The following ZSWIM6 variants were observed in gnomAD, a reference collection of about 807,000 sequenced individuals.
The protein encoded by ZSWIM6 is zinc finger SWIM-type containing 6, also known as zinc finger SWIM domain-containing protein 6.
Under a neutral mutation model 113.2 loss-of-function variants are expected in ZSWIM6, and 9 were observed. The ratio of observed to expected loss-of-function variants is 0.08; its 90% CI spans 0.05 to 0.14. ZSWIM6 has a LOEUF of 0.14. Among genes scored for constraint, ZSWIM6 ranks in the 10% least tolerant of loss-of-function variants. ZSWIM6 has a pLI of 1.00. For synonymous variants in ZSWIM6, 611 were observed against 606.5 expected (o/e 1.01, Z -0.11); for missense variants, 1,162 against 1,552.2 (o/e 0.75, Z 4.22).
Position 61,382,910 on chromosome 5 carries a change from A to G in ZSWIM6, c.676+49962A>G, listed in dbSNP as rs1452037424. 3.9e-5 allele frequency among the ~76,000 whole-genome samples: 6 copies of G among 152,240 alleles called. No individual in the cohort carries two copies. In the East Asian group the frequency reaches 1.2e-3, roughly 29 times the overall value. ...TAGGGAGCTAATTTATAGCAGATTA[A>G]GATACAGAATGTCCGCAAAGTCAGA... On this transcript the variant is annotated intron_variant, in intron 1 of 13. Coordinates refer to ENST00000252744, the MANE Select transcript of ZSWIM6 (RefSeq NM_020928.2).
chr5:61,441,765 C>T (rs1746839140), intron 1 of ZSWIM6, among the ~76,000 whole-genome samples: 1 of 152,086 alleles, frequency 6.6e-6, no homozygotes, highest in South Asian at 2.1e-4. Context: ...ACATTTACTG[C>T]AATTATGGTT....
At chr5:61,484,271 G>T (rs1747956505) in intron 2 of ZSWIM6, among the ~76,000 whole-genome samples, 1 of 152,166 alleles carries the variant, frequency 6.6e-6, no homozygotes, top group Non-Finnish European at 1.5e-5. Flanking sequence ...TCTCCTTGTG[G>T]ATTTTGGCCT....
chr5:61,401,110 G>A (rs564529765), intron 1 of ZSWIM6, among the ~76,000 whole-genome samples: 3 of 152,026 alleles, frequency 2.0e-5, no homozygotes, highest in Non-Finnish European at 2.9e-5. Flanking sequence ...TTATGTTCTC[G>A]TTAGCTTTTG....
At chr5:61,380,977 G>A (rs6868235) in intron 1 of ZSWIM6, among the ~76,000 whole-genome samples, 9,915 of 152,024 alleles carry the variant, frequency 0.065, 967 homozygotes, top group African/African-American at 0.21. Flanking sequence ...GGCCAGGTGT[G>A]GTGGCTCACG....
chr5:61,535,476 TC>T lies in ZSWIM6; in HGVS notation c.2246-5del, dbSNP rs1749549952. On this transcript the variant is annotated splice_polypyrimidine_tract_variant and splice_region_variant and intron_variant, in intron 9 of 13. Coordinates refer to ENST00000252744, the MANE Select transcript of ZSWIM6 (RefSeq NM_020928.2). ...GGAACGTAAAATGTGTATGCTCTCT[TC>T]CCACAGCCGGACCATATAGTGGTTT... The T allele has an allele frequency of 6.4e-7, 1 of 1,551,170 alleles. No homozygotes were observed. Among genetic ancestry groups the T allele is most frequent in the Non-Finnish European group, 8.7e-7 (1 of 1,146,574 alleles).
At chr5:61,428,672 C>T (rs1291994326) in intron 1 of ZSWIM6, among the ~76,000 whole-genome samples, 1 of 151,992 alleles carries the variant, frequency 6.6e-6, no homozygotes, top group Non-Finnish European at 1.5e-5. Context: ...TACTCAGTCT[C>T]TTAGGCTATT....
chr5:61,504,125 T>A (rs1748540780), intron 4 of ZSWIM6, among the ~76,000 whole-genome samples: 1 of 152,206 alleles, frequency 6.6e-6, no homozygotes, highest in Admixed American at 6.5e-5. Context: ...TTATTTTTGA[T>A]GTACTGAAAA....
At position 61,375,587 on chromosome 5, in the gene ZSWIM6, A is replaced by C. The variant is rs547901845; in HGVS notation, c.676+42639A>C. The C allele has an allele frequency of 7.3e-4, 1,125 of 1,533,850 alleles. 1 individual carries two copies. Among genetic ancestry groups the C allele is most frequent in the Admixed American group, 1.3e-3 (65 of 50,566 alleles). On this transcript the variant is annotated intron_variant, in intron 1 of 13. Transcript: ENST00000252744. Reference sequence around the variant, plus strand: ...GAATCAGACAGTAAGGATAGTTTAAAAAAGAAAAAGAAGTCAAAAGATGGA... The same window carrying C: ...GAATCAGACAGTAAGGATAGTTTAACAAAGAAAAAGAAGTCAAAAGATGGA...
chr5:61,357,087 A>G (rs1744930468), intron 1 of ZSWIM6, among the ~76,000 whole-genome samples: 2 of 152,112 alleles, frequency 1.3e-5, no homozygotes, highest in South Asian at 4.1e-4. Flanking sequence ...AGACATACTG[A>G]CTGGGAAACT....
chr5:61,369,169 A>G (rs950684451), intron 1 of ZSWIM6, among the ~76,000 whole-genome samples: 36 of 152,188 alleles, frequency 2.4e-4, no homozygotes, highest in East Asian at 7.7e-4. Flanking sequence ...TCTTCCTACT[A>G]TATTGTTCTA....
chr5:61,508,384 G>A (rs932966985), intron 4 of ZSWIM6, among the ~76,000 whole-genome samples: 1 of 152,106 alleles, frequency 6.6e-6, no homozygotes, highest in Non-Finnish European at 1.5e-5. Flanking sequence ...ATTAAATATT[G>A]CAAGGTATAT....
chr5:61,389,616 A>G (rs1368984005), intron 1 of ZSWIM6, among the ~76,000 whole-genome samples: 1 of 152,058 alleles, frequency 6.6e-6, no homozygotes. Context: ...GAAAGCGAGA[A>G]AGTCTTCAGT....
chr5:61,531,513 A>G lies in ZSWIM6; in HGVS notation c.2033A>G (p.His678Arg), dbSNP rs750996103. 1.3e-5 allele frequency: 20 copies of G among 1,551,716 alleles called. No individual in the cohort carries two copies. The East Asian group carries it at 3.4e-4, about 27-fold the overall frequency. The change falls in exon 9 of 14, where the codon CAC (histidine) becomes CGC (arginine). Residue 678 changes from histidine to arginine, a missense_variant. Around this residue, in one of 4 missense-constraint regions of ZSWIM6, gnomAD observed 620 missense variants for 804.6 expected, o/e 0.77. Coordinates refer to ENST00000252744, the MANE Select transcript of ZSWIM6 (RefSeq NM_020928.2). ...KSLEYQHLPAHKFLEEGESYL... is the reference protein window; with the variant it reads ...KSLEYQHLPARKFLEEGESYL... ...CTGGAATACCAGCATCTACCTGCACACAAATTCTTAGAAGAAGGGGAATCC... is the reference window on the plus strand; with the variant it reads ...CTGGAATACCAGCATCTACCTGCACGCAAATTCTTAGAAGAAGGGGAATCC...
In ZSWIM6 at chr5:61,529,461, C is replaced by G. The variant is rs887027796; in HGVS notation, c.1838-591C>G. 3.3e-5 allele frequency among the ~76,000 whole-genome samples: 5 copies of G among 152,280 alleles called. No homozygotes were observed. In the South Asian group the frequency reaches 1.0e-3, roughly 32 times the overall value. On this transcript the variant is annotated intron_variant, in intron 7 of 13. Coordinates refer to ENST00000252744, the MANE Select transcript of ZSWIM6 (RefSeq NM_020928.2). ...CTCTTAAATGGCTTACAGATTCACA[C>G]TAAGGAAGATTTTCATAAGGTGATG...
intron 1 of ZSWIM6, among the ~76,000 whole-genome samples, chr5:61,340,343 A>G (rs1744516153): frequency 3.9e-5 from 6 of 152,182 alleles, no homozygotes; most frequent in Admixed American, 3.9e-4. Flanking sequence ...GTGTGTATAT[A>G]TGTCTACAAA....
intron 4 of ZSWIM6, among the ~76,000 whole-genome samples, chr5:61,505,967 C>T (rs552468130): frequency 1.3e-5 from 2 of 151,764 alleles, no homozygotes; most frequent in South Asian, 2.1e-4. Context: ...AGGATGGTCT[C>T]GATCTCCTGA....
chr5:61,380,279 T>G (rs1315541612), intron 1 of ZSWIM6, among the ~76,000 whole-genome samples: 1 of 152,136 alleles, frequency 6.6e-6, no homozygotes, highest in Non-Finnish European at 1.5e-5. Context: ...TTTCGCCCTG[T>G]TGGCCAGGCT....
rs1216384783 is a variant in ZSWIM6, at chr5:61,332,330, GGCGGCGGCGGCGGCGGGGGCAGCA to G, written c.75_98del (p.Gly26_Gly33del). The G allele has an allele frequency of 6.0e-5, 59 of 977,048 alleles. No homozygotes were observed. The highest frequency in any genetic ancestry group is 1.8e-4 in the Admixed American group (3 of 17,028). The allele number at this position is 977,048 out of a possible 1,614,324, so 60.5% of individuals were successfully genotyped here. A position where few individuals can be genotyped will look rare whatever the true frequency, so the allele number is the denominator to read the frequency against. On this transcript the variant is annotated inframe_deletion, in exon 1 of 14. Coordinates refer to ENST00000252744, the MANE Select transcript of ZSWIM6 (RefSeq NM_020928.2). ...GAAACGGCTTTGCTGCCGGCCGGGCGGCGGCGGCGGCGGCGGGGGCAGCAGCGGCGGCGGCGGCGGCGCGGGTGG... is the reference window on the plus strand; with the variant it reads ...GAAACGGCTTTGCTGCCGGCCGGGCGGCGGCGGCGGCGGCGGCGCGGGTGG...
rs1036063798 is a variant in ZSWIM6, at chr5:61,531,590, A to G, written c.2110A>G (p.Ile704Val). ...CCTGATAGGGCTAGGACAGCAGCGT[A>G]TCATGCCTGATGGGCTGTACACACA... The part of the protein sequence containing the change: ...VALIGLGQQR[I>V]MPDGLYTQEK... The change falls in exon 9 of 14, where the codon ATC (isoleucine) becomes GTC (valine). Residue 704 changes from isoleucine (I) to valine (V), a missense_variant. Ile to Val is a conservative substitution (Grantham distance 29). Transcript: ENST00000252744. 7 of 1,551,612 alleles carry G rather than the reference A, an allele frequency of 4.5e-6. No individual in the cohort carries two copies. Among genetic ancestry groups the G allele is most frequent in the Non-Finnish European group, 6.1e-6 (7 of 1,146,992 alleles).
Sources: allele counts gnomAD v4.1 joint callset (sites outside exome capture counted in the v4.1 genomes callset), GRCh38; gene constraint gnomAD v4.1.1; regional missense constraint gnomAD v4.1.1; transcripts MANE v1.5; gene names NCBI Gene and HGNC (gene_info 2026-07-23, HGNC 2026-07-21).